CMSS1: variants seen among roughly 807,000 people sequenced by gnomAD.
The protein encoded by CMSS1 is cms1 ribosomal small subunit homolog.
Under a neutral mutation model 43.5 loss-of-function variants are expected in CMSS1, and 33 were observed. The observed-to-expected ratio is 0.76, with a 90% CI of 0.57 to 1.01. The LOEUF (loss-of-function observed/expected upper bound fraction) is 1.01, where lower values mean the gene tolerates loss of function less well. CMSS1 is among the 50% of genes least tolerant of loss of function. The probability of loss-of-function intolerance (pLI) is 0.00; values close to 1 mark genes in which losing one functional copy is unlikely to be tolerated. For synonymous variants in CMSS1, 115 were observed against 117.2 expected, an observed-to-expected ratio of 0.98 and a Z score of 0.12; for missense variants, 313 against 326.4, an observed-to-expected ratio of 0.96 and a Z score of 0.32.
intron 1 of CMSS1, among the ~76,000 whole-genome samples, chr3:100,090,981 T>C (rs2066094412): frequency 6.6e-6 from 1 of 152,172 alleles, no homozygotes; most frequent in South Asian, 2.1e-4. Flanking sequence ...TTGGAAAATG[T>C]CATTCCTGAA....
chr3:99,877,996 TGA>T (rs1159058567), intron 1 of CMSS1, among the ~76,000 whole-genome samples: 10 of 152,372 alleles, frequency 6.6e-5, no homozygotes, highest in African/African-American at 1.9e-4. Context: ...TTCATTCTTT[TGA>T]CTTGCTGGTT....
At chr3:100,146,706 AAC>A (rs1253069536) in intron 1 of CMSS1, among the ~76,000 whole-genome samples, 1 of 152,220 alleles carries the variant, frequency 6.6e-6, no homozygotes, top group Non-Finnish European at 1.5e-5. Context: ...AAGGCTGTAA[AAC>A]GTCCTCTTGT....
intron 1 of CMSS1, among the ~76,000 whole-genome samples, chr3:100,074,057 TG>T (rs2065806382): frequency 6.6e-6 from 1 of 152,142 alleles, no homozygotes; most frequent in South Asian, 2.1e-4. Flanking sequence ...AAAAGGTTTG[TG>T]GGGGCCTTTT....
At chr3:100,157,278 G>C (rs1227453631) in intron 2 of CMSS1, among the ~76,000 whole-genome samples, 5 of 151,718 alleles carry the variant, frequency 3.3e-5, no homozygotes, top group Non-Finnish European at 7.4e-5. Flanking sequence ...ACAGCATCTT[G>C]TTCTTGTTTC....
intron 2 of CMSS1, among the ~76,000 whole-genome samples, chr3:100,157,567 C>T (rs2066986577): frequency 6.6e-6 from 1 of 152,194 alleles, no homozygotes; most frequent in Non-Finnish European, 1.5e-5. Flanking sequence ...ACGTCACTCT[C>T]TGATGGTATT....
At chr3:99,985,755 G>A (rs1003711963) in intron 1 of CMSS1, among the ~76,000 whole-genome samples, 1 of 151,980 alleles carries the variant, frequency 6.6e-6, no homozygotes, top group Non-Finnish European at 1.5e-5. Context: ...TGCCCAGCTG[G>A]TTTTTGTATT....
intron 1 of CMSS1, among the ~76,000 whole-genome samples, chr3:100,039,621 T>C (rs6440991): frequency 0.85 from 129,900 of 152,156 alleles, 55,609 homozygotes; most frequent in African/African-American, 0.91. Flanking sequence ...AGAAAAGCAT[T>C]GTCCCTAGAG....
intron 1 of CMSS1, chr3:99,830,370 A>G (rs1942630017): frequency 5.4e-6 from 2 of 370,526 alleles, no homozygotes; most frequent in Admixed American, 3.2e-5. Context: ...AGCTTTCCAC[A>G]TATTTCTGTA....
At chr3:99,905,261 C>G (rs989410134) in intron 1 of CMSS1, among the ~76,000 whole-genome samples, 16 of 152,164 alleles carry the variant, frequency 1.1e-4, no homozygotes, top group African/African-American at 2.9e-4. Context: ...TGCTGAAACT[C>G]CCAAATTTTT....
rs190039932 is a variant in CMSS1 at position 99,935,474 on chromosome 3, C to G, written c.64+117431C>G. 3.9e-5 allele frequency among the ~76,000 whole-genome samples: 6 copies of G among 152,062 alleles called. No individual in the cohort carries two copies. The East Asian group carries it at 9.6e-4, about 24-fold the overall frequency. On this transcript the variant is annotated intron_variant, in intron 1 of 9. Transcript: ENST00000421999. ...AGTGTAGGCTGGGAATCAGGAAACCCAGCCTCTGATCCCAGCTCTGCCTTT... is the reference window on the plus strand; with the variant it reads ...AGTGTAGGCTGGGAATCAGGAAACCGAGCCTCTGATCCCAGCTCTGCCTTT...
At chr3:99,836,963 G>A (rs1942925005) in intron 1 of CMSS1, among the ~76,000 whole-genome samples, 1 of 152,180 alleles carries the variant, frequency 6.6e-6, no homozygotes, top group African/African-American at 2.4e-5. Context: ...TTCCTTATTG[G>A]CAGTCTGAGA....
chr3:100,119,437 A>G (rs978147085), intron 1 of CMSS1, among the ~76,000 whole-genome samples: 31 of 152,182 alleles, frequency 2.0e-4, no homozygotes, highest in African/African-American at 7.5e-4. Context: ...GAGTTTAACC[A>G]TACTTTACCC....
At chr3:99,899,709 A>T (rs927035470) in intron 1 of CMSS1, among the ~76,000 whole-genome samples, 1 of 152,172 alleles carries the variant, frequency 6.6e-6, no homozygotes, top group African/African-American at 2.4e-5. Context: ...TGATTCCATT[A>T]TGGTCCACCT....
At chr3:100,014,778 A>G (rs900031762) in intron 1 of CMSS1, among the ~76,000 whole-genome samples, 19 of 136,950 alleles carry the variant, frequency 1.4e-4, no homozygotes, top group Admixed American at 1.2e-3. Flanking sequence ...GTTTTCTCTC[A>G]TTCCATAGGT....
chr3:99,893,162 CT>C (rs1200176411), intron 1 of CMSS1, among the ~76,000 whole-genome samples: 1,740 of 107,602 alleles, frequency 0.016, 19 homozygotes, highest in African/African-American at 0.049. Context: ...GGCATCTAGA[CT>C]TTTTTTTTTT....
intron 1 of CMSS1, among the ~76,000 whole-genome samples, chr3:99,966,935 G>A (rs1228687938): frequency 1.3e-5 from 2 of 152,176 alleles, no homozygotes; most frequent in Non-Finnish European, 2.9e-5. Context: ...GAGTATGCCT[G>A]ACTGAACCTC....
intron 1 of CMSS1, among the ~76,000 whole-genome samples, chr3:99,971,305 C>A (rs1181787455): frequency 5.3e-5 from 8 of 149,804 alleles, no homozygotes; most frequent in Non-Finnish European, 8.9e-5. Flanking sequence ...GTGCCACTGC[C>A]CACCAGCCTG....
intron 1 of CMSS1, among the ~76,000 whole-genome samples, chr3:100,079,952 T>C (rs2065905574): frequency 6.6e-6 from 1 of 152,094 alleles, no homozygotes; most frequent in Non-Finnish European, 1.5e-5. Flanking sequence ...CTAACAAAGG[T>C]TTTCATGGCA....
chr3:100,003,034 G>A (rs1026009830), intron 1 of CMSS1, among the ~76,000 whole-genome samples: 3 of 152,116 alleles, frequency 2.0e-5, no homozygotes, highest in East Asian at 3.9e-4. Flanking sequence ...ATTTACCTGC[G>A]AATTATCTCT....
Sources: allele counts gnomAD v4.1 joint callset (sites outside exome capture counted in the v4.1 genomes callset), GRCh38; gene constraint gnomAD v4.1.1; transcripts MANE v1.5; gene names NCBI Gene and HGNC (gene_info 2026-07-23, HGNC 2026-07-21).